MYO15A: variants seen among roughly 807,000 people sequenced by gnomAD.
MYO15A encodes myosin XVA.
A neutral mutation model predicts 394.6 loss-of-function variants in MYO15A; 308 were observed. The ratio of observed to expected loss-of-function variants is 0.78; its 90% CI spans 0.71 to 0.86. The LOEUF is 0.86. MYO15A is among the 40% of genes least tolerant of loss of function. The pLI, the probability that MYO15A is intolerant of heterozygous loss-of-function variation, is 0.00. For missense variants in MYO15A, 4,606 were observed against 4,799.1 expected (o/e 0.96, Z 1.19); for synonymous variants, 1,957 against 2,003.8 (o/e 0.98, Z 0.62).
chr17:18,140,997 C>T (rs1414632408), intron 21 of MYO15A, 22 bp from the exon 22 acceptor site: 1 of 1,613,628 alleles, frequency 6.2e-7, no homozygotes, highest in Non-Finnish European at 8.5e-7. Flanking sequence ...TGTGCAGACT[C>T]CCTCTCTGGG....
chr17:18,151,376 C>A lies in MYO15A; in HGVS notation c.7655-19C>A. 1 of 1,614,188 alleles carries A rather than the reference C, an allele frequency of 6.2e-7. No individual in the cohort carries two copies. Among genetic ancestry groups the A allele is most frequent in the Non-Finnish European group, 8.5e-7 (1 of 1,180,034 alleles). On this transcript the variant is annotated intron_variant, in intron 39 of 65. Transcript: ENST00000647165. ...CCCTTGTGGCCTCACCCTGTTCCCA[C>A]CGCGCCCCTTGCCCACAGCTTCACC... is the stretch of plus-strand genomic sequence containing the variant.
intron 60 of MYO15A, among the ~76,000 whole-genome samples, chr17:18,165,458 A>G (rs1472036444): frequency 6.6e-6 from 1 of 152,120 alleles, no homozygotes; most frequent in Non-Finnish European, 1.5e-5. Context: ...AGCAGTGTAG[A>G]ATCCTCATAT....
intron 23 of MYO15A, 112 bp from the exon 24 acceptor site, chr17:18,141,967 G>T: frequency 7.1e-7 from 1 of 1,399,022 alleles, no homozygotes. Context: ...CTCCAGCCCC[G>T]CTCCAGGAGG....
chr17:18,139,514 G>A lies in MYO15A; in HGVS notation c.5134-20G>A. 1 of 1,612,702 alleles carries A rather than the reference G, an allele frequency of 6.2e-7. No individual in the cohort carries two copies. The highest frequency in any genetic ancestry group is 1.1e-5 in the South Asian group (1 of 90,708). On this transcript the variant is annotated intron_variant, in intron 18 of 65. Transcript: ENST00000647165. ...AGAGACAGAGGCCAGGATTACCCAG[G>A]CCATTGTTCCCCTTTTCAGGTGCAC...
intron 10 of MYO15A, 76 bp downstream of exon 10, chr17:18,131,607 T>C: frequency 6.5e-7 from 1 of 1,540,562 alleles, no homozygotes; most frequent in South Asian, 1.1e-5. Flanking sequence ...GCCTGGCCCC[T>C]GGTAGGGCTA....
In MYO15A at chr17:18,142,076, T is replaced by C. The variant is rs774226838; in HGVS notation, c.5650-3T>C. 4 of 1,612,292 alleles carry C rather than the reference T, an allele frequency of 2.5e-6. No individual in the cohort carries two copies. The East Asian group carries it at 8.9e-5, about 36-fold the overall frequency. On this transcript the variant is annotated splice_polypyrimidine_tract_variant and splice_region_variant and intron_variant, in intron 23 of 65. Transcript: ENST00000647165. ...TGCCTCAGTGCCTTCCTCCTGTCCT[T>C]AGCTGTTCCTTAAGGAACACCTATA...
chr17:18,154,248 AAG>A (rs2046636430), intron 44 of MYO15A, 58 bp downstream of exon 44: 1 of 1,589,752 alleles, frequency 6.3e-7, no homozygotes, highest in Admixed American at 1.7e-5. Flanking sequence ...TGTGGACGCA[AAG>A]ATGAGCTAGC....
At chr17:18,137,410 G>A (rs1390873745) in intron 15 of MYO15A, among the ~76,000 whole-genome samples, 174 bp from the exon 16 acceptor site, 2 of 152,200 alleles carry the variant, frequency 1.3e-5, no homozygotes, top group Non-Finnish European at 2.9e-5. Flanking sequence ...TGCCTGTGCT[G>A]TCAGGACAGA....
rs760927791 is a variant in MYO15A at position 18,149,594 on chromosome 17, G to A, written c.7212+14G>A. 1 of 1,613,100 alleles carries A rather than the reference G, an allele frequency of 6.2e-7. No individual in the cohort carries two copies. The highest frequency in any genetic ancestry group is 1.7e-5 in the Admixed American group (1 of 60,028). On this transcript the variant is annotated intron_variant, in intron 35 of 65. Transcript: ENST00000647165. ...TACGGGGATGCGGTAGGGATGGTGT[G>A]GGGTGGGTCATTTGCAGACAGCAGG...
Position 18,120,304 on chromosome 17 carries a change from G to T in MYO15A, c.1504G>T (p.Asp502Tyr), listed in dbSNP as rs1349315132. ...GGAGGTGCCCCTGCCACCCTCTCTG[G>T]ACATTCCTCTCCCCTTGGGGGATGC... ...KLEVPLPPSLDIPLPLGDADE... is the reference protein window; with the variant it reads ...KLEVPLPPSLYIPLPLGDADE... The change falls in exon 2 of 66, where the codon GAC becomes TAC. Residue 502 changes from aspartate (D) to tyrosine (Y), a missense_variant. Physicochemically the swap from Asp to Tyr is radical, Grantham distance 160. This residue lies in a region of MYO15A where 1,830 missense variants were observed against 1,689.7 expected (regional missense o/e 1.08). Coordinates refer to ENST00000647165, the MANE Select transcript of MYO15A (RefSeq NM_016239.4). 5 of 1,612,072 alleles carry T rather than the reference G, an allele frequency of 3.1e-6. No homozygotes were observed. The African/African-American group carries it at 6.7e-5, about 22-fold the overall frequency.
At position 18,150,121 on chromosome 17, in the gene MYO15A, C is replaced by A; in HGVS notation, c.7213-308C>A. ...CAGGTACCCTTACTCACTCTGGAAA[C>A]TCCAGAACCCACCCCACCCCCACTG... On this transcript the variant is annotated intron_variant, in intron 35 of 65. Transcript: ENST00000647165. This position sits in a 1 kb window ranked among gnomAD's most constrained non-coding sequence, Gnocchi z 4.4. 2.3e-6 allele frequency: 1 copy of A among 435,662 alleles called. No homozygotes were observed. The highest frequency in any genetic ancestry group is 4.3e-6 in the Non-Finnish European group (1 of 234,278). The allele number at this position is 435,662 out of a possible 1,614,324, so 27.0% of individuals were successfully genotyped here.
intron 51 of MYO15A, 45 bp downstream of exon 51, chr17:18,157,945 A>G (rs1323979104): frequency 3.5e-5 from 48 of 1,384,350 alleles, no homozygotes; most frequent in Non-Finnish European, 4.2e-5. Context: ...ACCAGGGGGA[A>G]GGGGCCGCTG....
chr17:18,119,237 C>G lies in MYO15A; in HGVS notation c.437C>G (p.Ala146Gly), dbSNP rs564890787. Residue 146 changes from alanine (A) to glycine (G), a missense_variant, in exon 2 of 66, where the codon GCC becomes GGC. Ala to Gly is a moderately conservative substitution (Grantham distance 60, BLOSUM62 0). Around this residue, in one of 2 missense-constraint regions of MYO15A, gnomAD observed 1,830 missense variants for 1,689.7 expected, o/e 1.08. Coordinates refer to ENST00000647165, the MANE Select transcript of MYO15A (RefSeq NM_016239.4). ...ACAAAAAAGTTCCTCCTCAAGAAGG[C>G]CGAGGAGTCGGGCAGCGAACAGGCC... ...WLTKKFLLKK[A>G]EESGSEQATV... 1.2e-6 allele frequency: 2 copies of G among 1,612,482 alleles called. No individual in the cohort carries two copies. The highest frequency in any genetic ancestry group is 4.5e-5 in the East Asian group (2 of 44,864).
In MYO15A at chr17:18,120,788, C is replaced by T; in HGVS notation, c.1988C>T (p.Pro663Leu). ...TLSHWSALLS[P>L]PVPPRPPSSG... The stretch of plus-strand genomic sequence containing the variant: ...TCCCACTGGAGCGCGCTCCTGTCTC[C>T]GCCCGTGCCCCCGCGGCCCCCAAGC... Residue 663 changes from proline to leucine, a missense_variant, in exon 2 of 66, where the codon CCG (proline) becomes CTG (leucine). Around this residue, in one of 2 missense-constraint regions of MYO15A, gnomAD observed 1,830 missense variants for 1,689.7 expected, o/e 1.08. Transcript: ENST00000647165. 6 of 1,347,564 alleles carry T rather than the reference C, an allele frequency of 4.5e-6. No individual in the cohort carries two copies. In the South Asian group the frequency reaches 8.5e-5, roughly 19 times the overall value. 83.5% of individuals were successfully genotyped at this position (1,347,564 alleles called of 1,614,324 possible).
intron 60 of MYO15A, 129 bp downstream of exon 60, chr17:18,163,967 C>A: frequency 1.1e-6 from 1 of 883,010 alleles, no homozygotes; most frequent in Non-Finnish European, 1.8e-6. Context: ...CCTTGACCCC[C>A]ATGTGGAAGG....
At position 18,147,031 on chromosome 17, in the gene MYO15A, T is replaced by A. The variant is rs538486533; in HGVS notation, c.6509+924T>A. The stretch of plus-strand genomic sequence containing the variant: ...GCTTAGAACAGAGAGGGGCACATGG[T>A]AGGTGCTATGTGGGTATAACCATCA... On this transcript the variant is annotated intron_variant, in intron 30 of 65. Transcript: ENST00000647165. The surrounding 1 kb of genome is among the most constrained non-coding windows in gnomAD (Gnocchi z 4.4). Among the ~76,000 whole-genome samples the A allele has an allele frequency of 2.0e-5, 3 of 152,256 alleles. No individual in the cohort carries two copies. The South Asian group carries it at 6.2e-4, about 32-fold the overall frequency.
At position 18,131,259 on chromosome 17, in the gene MYO15A, C is replaced by T; in HGVS notation, c.4059C>T (p.Leu1353=). 1 of 1,614,094 alleles carries T rather than the reference C, an allele frequency of 6.2e-7. No individual in the cohort carries two copies. Residue 1353 remains leucine (L), a synonymous_variant, in exon 9 of 66, where the codon CTC becomes CTT. Transcript: ENST00000647165. ...QQIKILEATP[L]LESFGNAKTV... ...TCCAGATCCTGGAGGCAACACCCCT[C>T]TTGGAGTCCTTCGGTAATGCCAAAA...
rs371958829 is a variant in MYO15A, at chr17:18,135,762, G to A, written c.4534G>A (p.Val1512Met). 34 of 1,614,178 alleles carry A rather than the reference G, an allele frequency of 2.1e-5. 1 individual carries two copies. The highest frequency in any genetic ancestry group is 5.3e-5 in the African/African-American group (4 of 75,048). Residue 1512 changes from valine (V) to methionine (M), a missense_variant, in exon 13 of 66, where the codon GTG (valine) becomes ATG (methionine). Val to Met is a conservative substitution (Grantham distance 21). Transcript: ENST00000647165. ...GGTGAGTGCCCGAGAGATCCAGGCC[G>A]TGGCAGAGCTGCTGCAGATCTCCCC... ...SVVSAREIQAVAELLQISPEG... is the reference protein window; with the variant it reads ...SVVSAREIQAMAELLQISPEG...
chr17:18,162,498 A>C (rs1397078497), intron 57 of MYO15A, 87 bp from the exon 58 acceptor site: 6 of 1,160,836 alleles, frequency 5.2e-6, no homozygotes, highest in Non-Finnish European at 7.6e-6. Context: ...GAGAGAATGC[A>C]GTGGGCTCAT....
Sources: gnomAD v4.1 joint callset for allele counts (sites outside exome capture counted in the v4.1 genomes callset) on GRCh38, gnomAD v4.1.1 for gene constraint, gnomAD v4.1.1 regional missense constraint, Gnocchi (gnomAD v3.1) non-coding constraint, MANE v1.5 for transcripts, NCBI Gene and HGNC (gene_info 2026-07-23, HGNC 2026-07-21) for gene names.